Variants in NAALADL1 observed in about 807,000 individuals in gnomAD.
NAALADL1 encodes aminopeptidase NAALADL1.
NAALADL1 carries 77 observed loss-of-function variants against 82.8 expected under a neutral mutation model. The observed-to-expected ratio is 0.93, with a 90% CI of 0.77 to 1.12. The LOEUF (loss-of-function observed/expected upper bound fraction) is 1.12, where lower values mean the gene tolerates loss of function less well. Among genes scored for constraint, NAALADL1 ranks in the 50% most tolerant of loss-of-function variants. NAALADL1 has a pLI of 0.00. For synonymous variants in NAALADL1, 358 were observed against 399.2 expected, an observed-to-expected ratio of 0.90 and a Z score of 1.23; for missense variants, 956 against 964.0, an observed-to-expected ratio of 0.99 and a Z score of 0.11.
rs1480580783 is a variant in NAALADL1 at position 65,054,105 on chromosome 11, G to A, written c.992+145C>T. 1.5e-6 allele frequency: 1 copy of A among 683,964 alleles called. No individual in the cohort carries two copies. The highest frequency in any genetic ancestry group is 2.4e-6 in the Non-Finnish European group (1 of 411,288). 42.4% of individuals were successfully genotyped at this position (683,964 alleles called of 1,614,324 possible). A position where few individuals can be genotyped will look rare whatever the true frequency, so the allele number is the denominator to read the frequency against. On this transcript the variant is annotated intron_variant, in intron 6 of 17. Transcript: ENST00000358658. The surrounding 1 kb of genome is among the most constrained non-coding windows in gnomAD (Gnocchi z 4.3). ...CTTCCCCAAAAACAAGACATATTTT[G>A]GGGTCAGGAGAGGGTCTGGGAGAGA...
Position 65,057,507 on chromosome 11 carries a change from G to T in NAALADL1, c.481-14C>A. ...GACGAGGAGGCCCTAGTCCCAAGAG[G>T]GGGTGATCCTTAGAGCTGGGCCCAG... On this transcript the variant is annotated splice_polypyrimidine_tract_variant and intron_variant, in intron 3 of 17. Coordinates refer to ENST00000358658, the MANE Select transcript of NAALADL1 (RefSeq NM_005468.3). 1 of 1,610,676 alleles carries T rather than the reference G, an allele frequency of 6.2e-7. No individual in the cohort carries two copies. Among genetic ancestry groups the T allele is most frequent in the South Asian group, 1.1e-5 (1 of 90,676 alleles).
chr11:65,045,119 A>C lies in NAALADL1; in HGVS notation c.*152T>G. 3.6e-6 allele frequency: 3 copies of C among 845,000 alleles called. No homozygotes were observed. Among genetic ancestry groups the C allele is most frequent in the Non-Finnish European group, 5.4e-6 (3 of 555,910 alleles). The allele number at this position is 845,000 out of a possible 1,614,324, so 52.3% of individuals were successfully genotyped here. On this transcript the variant is annotated 3_prime_UTR_variant, in exon 18 of 18. Coordinates refer to ENST00000358658, the MANE Select transcript of NAALADL1 (RefSeq NM_005468.3). Reference sequence around the variant, plus strand: ...AGGGTGAGTTGCATTAGGGCTTGCCACTCCCCTCAGGGACCTCAAGCTGTT... The same window carrying C: ...AGGGTGAGTTGCATTAGGGCTTGCCCCTCCCCTCAGGGACCTCAAGCTGTT...
At chr11:65,057,534 G>T (rs571981537) in intron 3 of NAALADL1, 41 bp from the exon 4 acceptor site, 1 of 1,586,938 alleles carries the variant, frequency 6.3e-7, no homozygotes, top group South Asian at 1.1e-5. Flanking sequence ...TGGGCCCAGC[G>T]AAGTGTGGGT....
At chr11:65,045,680 C>T in intron 17 of NAALADL1, 142 bp downstream of exon 17, 1 of 949,100 alleles carries the variant, frequency 1.1e-6, no homozygotes, top group Non-Finnish European at 1.6e-6. Flanking sequence ...CTTTCCTCCC[C>T]TCCCTGAGCC....
In NAALADL1 at chr11:65,057,512, G is replaced by C. The variant is rs1411970396; in HGVS notation, c.481-19C>G. ...GGAGGCCCTAGTCCCAAGAGGGGGTGATCCTTAGAGCTGGGCCCAGCGAAG... is the reference window on the plus strand; with the variant it reads ...GGAGGCCCTAGTCCCAAGAGGGGGTCATCCTTAGAGCTGGGCCCAGCGAAG... On this transcript the variant is annotated intron_variant, in intron 3 of 17. Transcript: ENST00000358658. 6.2e-7 allele frequency: 1 copy of C among 1,609,600 alleles called. No individual in the cohort carries two copies. The highest frequency in any genetic ancestry group is 1.1e-5 in the South Asian group (1 of 90,494).
At chr11:65,045,485 G>T (rs1240632197) in intron 17 of NAALADL1, 28 bp from the exon 18 acceptor site, 2 of 1,572,612 alleles carry the variant, frequency 1.3e-6, no homozygotes, top group East Asian at 4.5e-5. Context: ...ACAGGATCAG[G>T]GTCAGTCAGT....
Position 65,055,590 on chromosome 11 carries a change from T to C in NAALADL1, c.604-852A>G, listed in dbSNP as rs1232377412. On this transcript the variant is annotated intron_variant, in intron 4 of 17. Coordinates refer to ENST00000358658, the MANE Select transcript of NAALADL1 (RefSeq NM_005468.3). ...GACAAATATCTTATACTTTCACTTA[T>C]GCGAGGTACCTAGAATAGGCAAATT... 7.2e-5 allele frequency among the ~76,000 whole-genome samples: 11 copies of C among 152,188 alleles called. No individual in the cohort carries two copies. The East Asian group carries it at 1.7e-3, about 24-fold the overall frequency.
intron 4 of NAALADL1, among the ~76,000 whole-genome samples, chr11:65,055,298 G>A (rs1302419739): frequency 1.3e-5 from 2 of 152,146 alleles, no homozygotes; most frequent in African/African-American, 2.4e-5. Flanking sequence ...TTAGCCAGGT[G>A]TGGTGGTACA....
chr11:65,053,337 T>C lies in NAALADL1; in HGVS notation c.1079A>G (p.Asp360Gly). 6.3e-7 allele frequency: 1 copy of C among 1,584,574 alleles called. No individual in the cohort carries two copies. The highest frequency in any genetic ancestry group is 8.6e-7 in the Non-Finnish European group (1 of 1,166,080). ...LGIIRGAVEP[D>G]RYVLYGNHRD... ...GTGGTTCCCATACAGCACGTAGCGA[T>C]CTGGCCAGAGGAAAAGGGGCAGAGA... Residue 360 changes from aspartate (D) to glycine (G), a missense_variant and splice_region_variant, in exon 8 of 18, where the codon GAT (aspartate) becomes GGT (glycine). By Grantham distance (94) the Asp-to-Gly change is moderately conservative. Coordinates refer to ENST00000358658, the MANE Select transcript of NAALADL1 (RefSeq NM_005468.3). The surrounding 1 kb of genome is among the most constrained non-coding windows in gnomAD (Gnocchi z 4.3).
rs982598884 is a variant in NAALADL1, at chr11:65,054,387, T to A, written c.888-33A>T. 2 of 1,612,990 alleles carry A rather than the reference T, an allele frequency of 1.2e-6. No individual in the cohort carries two copies. Among genetic ancestry groups the A allele is most frequent in the Middle Eastern group, 1.7e-4 (1 of 6,058 alleles). ...GGAGGAAGAGGCCCTTCAGGGTAAA[T>A]GTGAGTGTGGGGCTTGAAGTCTGGA... On this transcript the variant is annotated intron_variant, in intron 5 of 17. Coordinates refer to ENST00000358658, the MANE Select transcript of NAALADL1 (RefSeq NM_005468.3). This position sits in a 1 kb window ranked among gnomAD's most constrained non-coding sequence, Gnocchi z 4.3.
rs753229498 is a variant in NAALADL1, at chr11:65,047,580, G to C, written c.1509-15C>G. ...GAGAACCCAAGCTGCGGGAAGGAAG[G>C]GGGCCGGGATAAAGAGCGCTGGGCC... On this transcript the variant is annotated splice_polypyrimidine_tract_variant and intron_variant, in intron 12 of 17. Transcript: ENST00000358658. 3 of 1,573,882 alleles carry C rather than the reference G, an allele frequency of 1.9e-6. No individual in the cohort carries two copies. Among genetic ancestry groups the C allele is most frequent in the Non-Finnish European group, 8.6e-7 (1 of 1,159,992 alleles).
intron 17 of NAALADL1, 80 bp downstream of exon 17, chr11:65,045,742 G>A (rs530696935): frequency 7.2e-7 from 1 of 1,382,086 alleles, no homozygotes; most frequent in African/African-American, 1.4e-5. Flanking sequence ...GGGCAGAGAA[G>A]CTGACCACCT....
In NAALADL1 at chr11:65,048,367, C is replaced by T. The variant is rs764908875; in HGVS notation, c.1217G>A (p.Arg406Lys). 1 of 1,614,088 alleles carries T rather than the reference C, an allele frequency of 6.2e-7. No homozygotes were observed. Among genetic ancestry groups the T allele is most frequent in the Admixed American group, 1.7e-5 (1 of 60,004 alleles). Residue 406 changes from arginine to lysine, a missense_variant, in exon 9 of 18, where the codon AGA becomes AAA. Transcript: ENST00000358658. ...LLKKGTWRPRRSIVFASWGAE... is the reference protein window; with the variant it reads ...LLKKGTWRPRKSIVFASWGAE... ...CCCCCAGCTCGCAAACACGATTGAT[C>T]TGCGAGGACGCCAGGTGCCTGGGAA...
chr11:65,045,097 GT>G lies in NAALADL1; in HGVS notation c.*173del. On this transcript the variant is annotated 3_prime_UTR_variant, in exon 18 of 18. Coordinates refer to ENST00000358658, the MANE Select transcript of NAALADL1 (RefSeq NM_005468.3). ...CTGCCACCTAAGCACCAGGATGAGG[GT>G]GAGTTGCATTAGGGCTTGCCACTCC... 1 of 719,324 alleles carries G rather than the reference GT, an allele frequency of 1.4e-6. No individual in the cohort carries two copies. Among genetic ancestry groups the G allele is most frequent in the Non-Finnish European group, 2.2e-6 (1 of 445,852 alleles). 44.6% of individuals were successfully genotyped at this position (719,324 alleles called of 1,614,324 possible). A position where few individuals can be genotyped will look rare whatever the true frequency, so the allele number is the denominator to read the frequency against.
At chr11:65,048,249 C>T (rs1590759079) in intron 9 of NAALADL1, 34 bp from the exon 10 acceptor site, 2 of 1,613,992 alleles carry the variant, frequency 1.2e-6, no homozygotes, top group African/African-American at 1.3e-5. Flanking sequence ...AGCCCCGCGC[C>T]GTTCTGTCCT....
rs1946690649 is a variant in NAALADL1, at chr11:65,045,259, A to AG, written c.*11dup. 1.2e-6 allele frequency: 2 copies of AG among 1,602,200 alleles called. No individual in the cohort carries two copies. The highest frequency in any genetic ancestry group is 2.2e-5 in the South Asian group (2 of 89,844). On this transcript the variant is annotated 3_prime_UTR_variant, in exon 18 of 18. Coordinates refer to ENST00000358658, the MANE Select transcript of NAALADL1 (RefSeq NM_005468.3). ...TTGGAGTAAAGGGAGGGCTGAAGAA[A>AG]GAGGGCTGGGGTCAGAGGTCAGCCA...
chr11:65,045,554 G>T, intron 17 of NAALADL1, 97 bp from the exon 18 acceptor site: 2 of 1,302,540 alleles, frequency 1.5e-6, no homozygotes, highest in Non-Finnish European at 2.1e-6. Flanking sequence ...TACGCAGCGA[G>T]GCAGAAAAGC....
chr11:65,056,288 C>T (rs1343102930), intron 4 of NAALADL1, among the ~76,000 whole-genome samples: 1 of 152,182 alleles, frequency 6.6e-6, no homozygotes, highest in East Asian at 1.9e-4. Context: ...ACATCACCAC[C>T]ATTCATCTCT....
At chr11:65,057,628 C>G in intron 3 of NAALADL1, 135 bp from the exon 4 acceptor site, 1 of 1,317,192 alleles carries the variant, frequency 7.6e-7, no homozygotes, top group Non-Finnish European at 1.0e-6. Context: ...GTAAGCTCCC[C>G]AAGAACAGTC....
Sources: gnomAD v4.1 joint callset for allele counts (sites outside exome capture counted in the v4.1 genomes callset) on GRCh38, gnomAD v4.1.1 for gene constraint, Gnocchi (gnomAD v3.1) non-coding constraint, MANE v1.5 for transcripts, NCBI Gene and HGNC (gene_info 2026-07-23, HGNC 2026-07-21) for gene names.